The following PHF2 variants were observed in gnomAD, a reference collection of about 807,000 sequenced individuals.
The protein encoded by PHF2 is PHD finger protein 2, also known as lysine-specific demethylase PHF2.
PHF2 carries 27 observed loss-of-function variants against 120.5 expected under a neutral mutation model. The ratio of observed to expected loss-of-function variants is 0.22; its 90% CI spans 0.17 to 0.31. The LOEUF (loss-of-function observed/expected upper bound fraction) is 0.31. PHF2 is among the 10% of genes least tolerant of loss of function. The probability of loss-of-function intolerance (pLI) is 1.00; values close to 1 mark genes in which losing one functional copy is unlikely to be tolerated. For synonymous variants in PHF2, 568 were observed against 592.5 expected (o/e 0.96, Z 0.60); for missense variants, 1,024 against 1,434.8 (o/e 0.71, Z 4.63).
In PHF2 at chr9:93,649,102, C is replaced by T. The variant is rs1263427545; in HGVS notation, c.492C>T (p.Val164=). 7 of 1,551,290 alleles carry T rather than the reference C, an allele frequency of 4.5e-6. No homozygotes were observed. The highest frequency in any genetic ancestry group is 4.9e-5 in the East Asian group (2 of 40,834). ...GPERSVDVTD[V]TKQKDCKMKL... is the part of the protein sequence containing the mutation. The stretch of plus-strand genomic sequence containing the variant: ...AACGGAGTGTGGATGTGACAGATGT[C>T]ACCAAGCAGAAGGACTGCAAGATGA... The change falls in exon 5 of 22, where the codon GTC becomes GTT. Residue 164 remains valine (V), a synonymous_variant. Coordinates refer to ENST00000359246, the MANE Select transcript of PHF2 (RefSeq NM_005392.4).
chr9:93,605,036 A>G (rs1825514347), intron 1 of PHF2, among the ~76,000 whole-genome samples: 2 of 152,278 alleles, frequency 1.3e-5, no homozygotes, highest in South Asian at 4.1e-4. Context: ...ACAATTTTAG[A>G]TTTACAGTAA....
chr9:93,633,262 A>G (rs1403255462), intron 2 of PHF2, among the ~76,000 whole-genome samples: 1 of 152,138 alleles, frequency 6.6e-6, no homozygotes, highest in Non-Finnish European at 1.5e-5. Context: ...GATTTTGGCC[A>G]TGGCCTGTGG....
At chr9:93,591,161 T>C (rs1825214809) in intron 1 of PHF2, among the ~76,000 whole-genome samples, 1 of 152,148 alleles carries the variant, frequency 6.6e-6, no homozygotes, top group Admixed American at 6.5e-5. Context: ...GGACTCAAGG[T>C]CCCAGCACCC....
intron 4 of PHF2, among the ~76,000 whole-genome samples, chr9:93,648,200 G>A (rs1826295070): frequency 6.6e-6 from 1 of 152,302 alleles, no homozygotes; most frequent in South Asian, 2.1e-4. Context: ...AGGCCATGTT[G>A]GTCCTGCAGA....
intron 1 of PHF2, among the ~76,000 whole-genome samples, chr9:93,618,527 C>T (rs546367280): frequency 6.6e-6 from 1 of 152,336 alleles, no homozygotes; most frequent in South Asian, 2.1e-4. Context: ...GACATAGAAA[C>T]ACATGCACAT....
intron 1 of PHF2, among the ~76,000 whole-genome samples, chr9:93,621,622 G>A (rs1388428789): frequency 6.6e-6 from 1 of 152,222 alleles, no homozygotes; most frequent in Non-Finnish European, 1.5e-5. Flanking sequence ...GGAGGGCGGG[G>A]CCAGGTGTGA....
At chr9:93,580,334 G>C (rs1463169417) in intron 1 of PHF2, among the ~76,000 whole-genome samples, 1 of 152,226 alleles carries the variant, frequency 6.6e-6, no homozygotes, top group Non-Finnish European at 1.5e-5. Context: ...TGTCTTGTCT[G>C]CCTCATTTGG....
chr9:93,673,727 C>T lies in PHF2; in HGVS notation c.2491C>T (p.Arg831Trp), dbSNP rs534466352. ...KGSSLAAHGARKNGGGSGKSA... is the reference protein window; with the variant it reads ...KGSSLAAHGAWKNGGGSGKSA... Reference sequence around the variant, plus strand: ...GAGCTCGCTGGCTGCCCATGGTGCCCGGAAGAATGGGGGTGGCAGTGGCAA... The same window carrying T: ...GAGCTCGCTGGCTGCCCATGGTGCCTGGAAGAATGGGGGTGGCAGTGGCAA... The change falls in exon 18 of 22, where the codon CGG becomes TGG. Residue 831 changes from arginine to tryptophan, a missense_variant. Transcript: ENST00000359246. 2.9e-5 allele frequency: 46 copies of T among 1,613,244 alleles called. No individual in the cohort carries two copies. The highest frequency in any genetic ancestry group is 1.1e-4 in the East Asian group (5 of 44,868).
chr9:93,591,003 C>A (rs951141228), intron 1 of PHF2, among the ~76,000 whole-genome samples: 1 of 152,230 alleles, frequency 6.6e-6, no homozygotes, highest in Non-Finnish European at 1.5e-5. Context: ...CCAACAGCTC[C>A]GGGGCCATAC....
chr9:93,664,908 C>G (rs958902912), intron 14 of PHF2, among the ~76,000 whole-genome samples: 1 of 152,256 alleles, frequency 6.6e-6, no homozygotes, highest in African/African-American at 2.4e-5. Flanking sequence ...AGCCGCCTCA[C>G]CTAGGCACTG....
chr9:93,671,732 G>A (rs1826797597), intron 17 of PHF2, among the ~76,000 whole-genome samples: 1 of 141,680 alleles, frequency 7.1e-6, no homozygotes, highest in Non-Finnish European at 1.6e-5. Flanking sequence ...AGGTGTGGGT[G>A]TGGATGTAGG....
chr9:93,590,626 T>C (rs1256450943), intron 1 of PHF2, among the ~76,000 whole-genome samples: 3 of 152,232 alleles, frequency 2.0e-5, no homozygotes, highest in African/African-American at 7.2e-5. Flanking sequence ...GTTGTAAACA[T>C]GGTACCAAGC....
chr9:93,660,051 G>A, intron 11 of PHF2, 141 bp from the exon 12 acceptor site: 1 of 990,640 alleles, frequency 1.0e-6, no homozygotes, highest in Non-Finnish European at 1.4e-6. Context: ...GTCACATGAT[G>A]GTGTGGGGTA....
Position 93,665,754 on chromosome 9 carries a change from A to G in PHF2, c.2006A>G (p.Lys669Arg), listed in dbSNP as rs760657757. Reference protein sequence around the residue: ...FGALQNFKEDKPKPVRDEYEY... With the variant: ...FGALQNFKEDRPKPVRDEYEY... ...GCCTTGCAGAACTTCAAGGAGGACA[A>G]GCCCAAGCCCGTGCGGGATGAGTAT... The change falls in exon 15 of 22, where the codon AAG becomes AGG. Residue 669 changes from lysine (K) to arginine (R), a missense_variant. Lys to Arg is a conservative substitution (Grantham distance 26, BLOSUM62 2). Coordinates refer to ENST00000359246, the MANE Select transcript of PHF2 (RefSeq NM_005392.4). The G allele has an allele frequency of 7.4e-6, 12 of 1,614,008 alleles. No homozygotes were observed. Among genetic ancestry groups the G allele is most frequent in the Non-Finnish European group, 1.0e-5 (12 of 1,180,044 alleles).
At chr9:93,630,557 G>T (rs1230434416) in intron 2 of PHF2, among the ~76,000 whole-genome samples, 4 of 152,170 alleles carry the variant, frequency 2.6e-5, no homozygotes, top group Admixed American at 2.6e-4. Flanking sequence ...ATCTTGGAGG[G>T]CCCTTGCCTT....
At chr9:93,593,084 C>CAAA (rs200919035) in intron 1 of PHF2, among the ~76,000 whole-genome samples, 2 of 83,374 alleles carry the variant, frequency 2.4e-5, no homozygotes, top group African/African-American at 5.6e-5. Flanking sequence ...TCCTTTATGC[C>CAAA]AAAAAAAAAA....
intron 1 of PHF2, among the ~76,000 whole-genome samples, chr9:93,585,263 T>C (rs1280484807): frequency 1.3e-5 from 2 of 152,230 alleles, no homozygotes; most frequent in African/African-American, 4.8e-5. Flanking sequence ...TCCATACATG[T>C]GTAAGACCTC....
chr9:93,665,974 T>A lies in PHF2; in HGVS notation c.2117-16T>A. On this transcript the variant is annotated splice_polypyrimidine_tract_variant and intron_variant, in intron 15 of 21. Transcript: ENST00000359246. ...CGCAAGGCCTCCCGCTGGACTGCCA[T>A]CTGCTGTGCTTTCAGTCTTGTTGGA... is the stretch of plus-strand genomic sequence containing the variant. The A allele has an allele frequency of 6.2e-7, 1 of 1,613,262 alleles. No individual in the cohort carries two copies. The highest frequency in any genetic ancestry group is 8.5e-7 in the Non-Finnish European group (1 of 1,179,668).
At chr9:93,587,701 A>ACTGGG (rs1863082347) in intron 1 of PHF2, among the ~76,000 whole-genome samples, 1 of 152,106 alleles carries the variant, frequency 6.6e-6, no homozygotes, top group Admixed American at 6.5e-5. Flanking sequence ...GAGCTCCCCC[A>ACTGGG]GTGCCAGTTG....
Sources: gnomAD v4.1 joint callset for allele counts (sites outside exome capture counted in the v4.1 genomes callset) on GRCh38, gnomAD v4.1.1 for gene constraint, MANE v1.5 for transcripts, NCBI Gene and HGNC (gene_info 2026-07-23, HGNC 2026-07-21) for gene names.